UGT1A8: variants seen among roughly 807,000 people sequenced by gnomAD.
UGT1A8 encodes the protein UDP-glucuronosyltransferase 1A8.
A neutral mutation model predicts 45.3 loss-of-function variants in UGT1A8; 39 were observed. The ratio of observed to expected loss-of-function variants is 0.86; its 90% CI spans 0.67 to 1.12. The LOEUF is 1.12. UGT1A8 is among the 50% of genes most tolerant of loss of function. The pLI is 0.00. For missense variants in UGT1A8, 719 were observed against 664.9 expected, an observed-to-expected ratio of 1.08 and a Z score of -0.90; for synonymous variants, 275 against 249.2, an observed-to-expected ratio of 1.10 and a Z score of -0.97.
chr2:233,704,714 T>A (rs948754454), intron 1 of UGT1A8, among the ~76,000 whole-genome samples: 7 of 152,218 alleles, frequency 4.6e-5, no homozygotes, highest in African/African-American at 1.7e-4. Context: ...TAGCCCAATT[T>A]GCCTTTGCTC....
intron 1 of UGT1A8, chr2:233,719,283 A>G: frequency 1.2e-6 from 2 of 1,614,074 alleles, no homozygotes; most frequent in Non-Finnish European, 1.7e-6. Flanking sequence ...AGACCCCGTT[A>G]ACCTCTGTGG....
intron 1 of UGT1A8, chr2:233,719,795 T>A: frequency 1.9e-6 from 3 of 1,604,386 alleles, no homozygotes; most frequent in Non-Finnish European, 2.6e-6. Flanking sequence ...AAAGATTTTA[T>A]TTTGGCTTCT....
At chr2:233,637,049 A>T (rs534521805) in intron 1 of UGT1A8, 2 of 1,614,010 alleles carry the variant, frequency 1.2e-6, no homozygotes, top group South Asian at 2.2e-5. Context: ...TTTTGCCACC[A>T]TCTTGAAGAA....
intron 1 of UGT1A8, chr2:233,718,646 T>C (rs896196849): frequency 1.0e-5 from 15 of 1,495,846 alleles, no homozygotes; most frequent in African/African-American, 1.4e-5. Flanking sequence ...GTTGGGCCCA[T>C]AACGAAAGGC....
intron 1 of UGT1A8, among the ~76,000 whole-genome samples, chr2:233,688,514 G>A (rs779302149): frequency 7.2e-5 from 11 of 152,032 alleles, no homozygotes; most frequent in Non-Finnish European, 1.0e-4. Flanking sequence ...GCAGTGAAAT[G>A]CGCCTAGAGT....
At chr2:233,711,829 G>A (rs1274082767) in intron 1 of UGT1A8, among the ~76,000 whole-genome samples, 2 of 152,240 alleles carry the variant, frequency 1.3e-5, no homozygotes, top group African/African-American at 4.8e-5. Context: ...ACCAGGACAA[G>A]GAGGCGTCAG....
chr2:233,640,135 A>G (rs1320723059), intron 1 of UGT1A8, among the ~76,000 whole-genome samples: 1 of 152,222 alleles, frequency 6.6e-6, no homozygotes, highest in Non-Finnish European at 1.5e-5. Flanking sequence ...TTCAAAGTTA[A>G]CTTTTGGTTG....
intron 1 of UGT1A8, among the ~76,000 whole-genome samples, chr2:233,710,566 G>T (rs1422927830): frequency 6.6e-6 from 1 of 152,066 alleles, no homozygotes; most frequent in Non-Finnish European, 1.5e-5. Context: ...CTTTTAAAAG[G>T]TGCCCTTTCA....
chr2:233,644,199 C>T (rs57005847), intron 1 of UGT1A8, among the ~76,000 whole-genome samples: 4,499 of 152,272 alleles, frequency 0.03, 207 homozygotes, highest in African/African-American at 0.1. Context: ...TTTTGGCCCT[C>T]GGTGGTGAGG....
chr2:233,672,783 G>T (rs1355332240), intron 1 of UGT1A8: 20 of 1,613,272 alleles, frequency 1.2e-5, no homozygotes, highest in Non-Finnish European at 1.6e-5. Context: ...GAAAGCCGTT[G>T]CCTATGGTAA....
At chr2:233,636,778 C>A in intron 1 of UGT1A8, 1 of 1,614,198 alleles carries the variant, frequency 6.2e-7, no homozygotes, top group Non-Finnish European at 8.5e-7. Context: ...TCTGGAAGAT[C>A]AGAACCGGGA....
chr2:233,706,240 T>C (rs2125603335), intron 1 of UGT1A8, among the ~76,000 whole-genome samples: 1 of 151,882 alleles, frequency 6.6e-6, no homozygotes, highest in East Asian at 1.9e-4. Context: ...GCTGGGAGAG[T>C]GAGAGAACCA....
intron 1 of UGT1A8, among the ~76,000 whole-genome samples, chr2:233,739,951 G>A (rs533176233): frequency 1.3e-5 from 2 of 151,940 alleles, no homozygotes; most frequent in East Asian, 1.9e-4. Context: ...TACCTGGTGG[G>A]AGCTGATTGA....
intron 1 of UGT1A8, among the ~76,000 whole-genome samples, chr2:233,716,254 A>C (rs1204855688): frequency 6.6e-6 from 1 of 152,204 alleles, no homozygotes; most frequent in Non-Finnish European, 1.5e-5. Flanking sequence ...GACATCCAGC[A>C]TAATCTCCCC....
At chr2:233,758,761 T>C (rs892563894) in intron 1 of UGT1A8, among the ~76,000 whole-genome samples, 1 of 152,200 alleles carries the variant, frequency 6.6e-6, no homozygotes, top group Non-Finnish European at 1.5e-5. Context: ...GTGATGTGTA[T>C]GGTTCAAATG....
At chr2:233,650,784 A>C (rs1258224164) in intron 1 of UGT1A8, among the ~76,000 whole-genome samples, 1 of 152,166 alleles carries the variant, frequency 6.6e-6, no homozygotes, top group African/African-American at 2.4e-5. Context: ...TCCTATTCAG[A>C]CATGTTTTAA....
At chr2:233,666,201 G>A (rs963472457) in intron 1 of UGT1A8, among the ~76,000 whole-genome samples, 4 of 152,142 alleles carry the variant, frequency 2.6e-5, no homozygotes, top group African/African-American at 9.7e-5. Context: ...AGTTCTTGCT[G>A]AAACTAATAG....
intron 1 of UGT1A8, chr2:233,672,260 T>C (rs775577335): frequency 5.0e-6 from 8 of 1,614,196 alleles, no homozygotes; most frequent in Non-Finnish European, 5.9e-6. Context: ...TATTCTCTAT[T>C]AATGGGTTCA....
At chr2:233,711,587 T>C (rs28898594) in intron 1 of UGT1A8, among the ~76,000 whole-genome samples, 1,733 of 152,338 alleles carry the variant, frequency 0.011, 27 homozygotes, top group African/African-American at 0.04. Context: ...GCCTTCTCTG[T>C]GCCTTCCTGC....
Sources: gnomAD v4.1 joint callset for allele counts (sites outside exome capture counted in the v4.1 genomes callset) on GRCh38, gnomAD v4.1.1 for gene constraint, MANE v1.5 for transcripts, NCBI Gene and HGNC (gene_info 2026-07-23, HGNC 2026-07-21) for gene names.